TOPAZ1: variants seen among roughly 807,000 people sequenced by gnomAD.
The protein encoded by TOPAZ1 is protein TOPAZ1.
Under a neutral mutation model 172.2 loss-of-function variants are expected in TOPAZ1, and 66 were observed. The ratio of observed to expected loss-of-function variants is 0.38; its 90% CI spans 0.31 to 0.47. TOPAZ1 has a LOEUF of 0.47. TOPAZ1 is among the 20% of genes least tolerant of loss of function. TOPAZ1 has a pLI of 0.99. For missense variants in TOPAZ1, 1,822 were observed against 1,972.4 expected (o/e 0.92, Z 1.44); for synonymous variants, 681 against 683.9 (o/e 1.00, Z 0.07).
intron 14 of TOPAZ1, among the ~76,000 whole-genome samples, chr3:44,306,073 T>C (rs1700333440): frequency 6.6e-6 from 1 of 152,234 alleles, no homozygotes; most frequent in African/African-American, 2.4e-5. Context: ...AAACTTTCTG[T>C]AAAAAGCCGG....
intron 11 of TOPAZ1, among the ~76,000 whole-genome samples, chr3:44,288,233 A>G (rs1044645044): frequency 1.8e-4 from 27 of 152,210 alleles, no homozygotes; most frequent in Admixed American, 3.9e-4. Context: ...ATACTACTCA[A>G]TCGTCTACTT....
chr3:44,335,026 C>T (rs1388714879), downstream of TOPAZ1, among the ~76,000 whole-genome samples: 13 of 152,030 alleles, frequency 8.6e-5, no homozygotes, highest in Admixed American at 2.0e-4. Flanking sequence ...ATTCCCACAA[C>T]TCCAACAATA....
chr3:44,255,899 G>A (rs1242720734), intron 3 of TOPAZ1, among the ~76,000 whole-genome samples: 1 of 150,780 alleles, frequency 6.6e-6, no homozygotes, highest in African/African-American at 2.4e-5. Context: ...TTTAAAATAA[G>A]TGCATTTAAA....
rs1395054511 is a variant in TOPAZ1 at position 44,242,940 on chromosome 3, C to T, written c.434C>T (p.Ser145Leu). The T allele has an allele frequency of 5.8e-6, 9 of 1,550,202 alleles. No individual in the cohort carries two copies. Among genetic ancestry groups the T allele is most frequent in the Middle Eastern group, 1.7e-4 (1 of 6,012 alleles). ...GTAAGAAAGGAATCATTAACCAGTT[C>T]GGAATCTTTCCAAACAGTGGAATGC... ...DLVRKESLTS[S>L]ESFQTVECLQ... The change falls in exon 2 of 20, where the codon TCG becomes TTG. Residue 145 changes from serine to leucine, a missense_variant. By Grantham distance (145) the Ser-to-Leu change is moderately radical. Transcript: ENST00000309765.
chr3:44,266,320 A>C (rs1179998986), intron 5 of TOPAZ1, among the ~76,000 whole-genome samples: 3 of 152,156 alleles, frequency 2.0e-5, no homozygotes, highest in Non-Finnish European at 4.4e-5. Flanking sequence ...TCGTATGTTC[A>C]CTGGAGTAAC....
At chr3:44,293,400 T>C (rs770353447) in intron 12 of TOPAZ1, among the ~76,000 whole-genome samples, 4 of 152,210 alleles carry the variant, frequency 2.6e-5, no homozygotes, top group African/African-American at 7.2e-5. Context: ...TCCATACTTG[T>C]GATTGACCCA....
At chr3:44,284,065 T>C (rs1229078170) in intron 9 of TOPAZ1, among the ~76,000 whole-genome samples, 2 of 152,174 alleles carry the variant, frequency 1.3e-5, no homozygotes, top group Non-Finnish European at 2.9e-5. Flanking sequence ...CCTCCTTTAA[T>C]CTAGAACATT....
chr3:44,242,895 C>T lies in TOPAZ1; in HGVS notation c.389C>T (p.Pro130Leu). 1.3e-6 allele frequency: 2 copies of T among 1,527,340 alleles called. No homozygotes were observed. Among genetic ancestry groups the T allele is most frequent in the Non-Finnish European group, 1.8e-6 (2 of 1,140,988 alleles). 94.6% of individuals were successfully genotyped at this position (1,527,340 alleles called of 1,614,324 possible). The change falls in exon 2 of 20, where the codon CCA becomes CTA. Residue 130 changes from proline (P) to leucine (L), a missense_variant. Pro to Leu is a moderately conservative substitution (Grantham distance 98). Around this residue, in one of 2 missense-constraint regions of TOPAZ1, gnomAD observed 1,489 missense variants for 1,490.8 expected, o/e 1.00. Coordinates refer to ENST00000309765, the MANE Select transcript of TOPAZ1 (RefSeq NM_001145030.2). Reference sequence around the variant, plus strand: ...GTTACTGAAGCCTCAAGTGATGATCCACAGCCAGGGCTTGACTTGGTAAGA... The same window carrying T: ...GTTACTGAAGCCTCAAGTGATGATCTACAGCCAGGGCTTGACTTGGTAAGA... ...RKVTEASSDD[P>L]QPGLDLVRKE...
Position 44,306,323 on chromosome 3 carries a change from C to T in TOPAZ1, c.4040-3C>T. ...TTCTTTTGTATGCCTATTTGTGTTT[C>T]AGTTAGCAAAGATCCACAAAACAGT... On this transcript the variant is annotated splice_region_variant and splice_polypyrimidine_tract_variant and intron_variant, in intron 14 of 19. Transcript: ENST00000309765. 1 of 1,536,114 alleles carries T rather than the reference C, an allele frequency of 6.5e-7. No individual in the cohort carries two copies. Among genetic ancestry groups the T allele is most frequent in the African/African-American group, 1.4e-5 (1 of 72,902 alleles).
intron 6 of TOPAZ1, 80 bp downstream of exon 6, chr3:44,267,216 A>G: frequency 8.1e-7 from 1 of 1,238,978 alleles, no homozygotes; most frequent in South Asian, 2.1e-5. Flanking sequence ...AAAAACAAAA[A>G]ACGATTAAAA....
chr3:44,312,346 A>G (rs553689999), intron 16 of TOPAZ1, among the ~76,000 whole-genome samples: 9 of 152,332 alleles, frequency 5.9e-5, no homozygotes, highest in Non-Finnish European at 8.8e-5. Flanking sequence ...TATGTGTAGA[A>G]GAATGCACAA....
At chr3:44,332,604 T>C (rs973233243), downstream of TOPAZ1, among the ~76,000 whole-genome samples, 1 of 152,142 alleles carries the variant, frequency 6.6e-6, no homozygotes, top group Non-Finnish European at 1.5e-5. Context: ...AAAACTTAAT[T>C]ATCTAAACAA....
At chr3:44,259,484 G>T (rs916492120) in intron 4 of TOPAZ1, among the ~76,000 whole-genome samples, 1 of 152,196 alleles carries the variant, frequency 6.6e-6, no homozygotes, top group Admixed American at 6.5e-5. Flanking sequence ...TGTTTTTATA[G>T]TTGTATAATT....
In TOPAZ1 at chr3:44,300,852, G is replaced by GA. The variant is rs35033579; in HGVS notation, c.3798-3148dup. Among the ~76,000 whole-genome samples, 668 of 137,280 alleles carry GA rather than the reference G, an allele frequency of 4.9e-3. 3 individuals are homozygous for GA. Among genetic ancestry groups the GA allele is most frequent in the East Asian group, 8.0e-3 (33 of 4,148 alleles). 90.1% of individuals were successfully genotyped at this position (137,280 alleles called of 152,430 possible). A position where few individuals can be genotyped will look rare whatever the true frequency, so the allele number is the denominator to read the frequency against. Reference sequence around the variant, plus strand: ...CTTTAATTGTAATAACCAGAAACTGGAAAAAAAAAAAAAAACTCAGATACC... The same window carrying GA: ...CTTTAATTGTAATAACCAGAAACTGGAAAAAAAAAAAAAAAACTCAGATACC... On this transcript the variant is annotated intron_variant, in intron 12 of 19. Transcript: ENST00000309765.
At chr3:44,317,872 G>A (rs1484409804) in intron 16 of TOPAZ1, among the ~76,000 whole-genome samples, 3 of 152,212 alleles carry the variant, frequency 2.0e-5, no homozygotes, top group East Asian at 3.8e-4. Context: ...TGGTAGAATT[G>A]TGAACTAGCT....
chr3:44,322,404 A>G (rs1700548319), intron 17 of TOPAZ1, among the ~76,000 whole-genome samples: 1 of 152,202 alleles, frequency 6.6e-6, no homozygotes, highest in Non-Finnish European at 1.5e-5. Flanking sequence ...CAGAATTGAG[A>G]AATTATTCAA....
At chr3:44,329,748 C>T (rs1027134613) in intron 19 of TOPAZ1, among the ~76,000 whole-genome samples, 1 of 152,200 alleles carries the variant, frequency 6.6e-6, no homozygotes, top group Non-Finnish European at 1.5e-5. Flanking sequence ...TGGATACCTA[C>T]ATATGCCATG....
intron 12 of TOPAZ1, among the ~76,000 whole-genome samples, chr3:44,300,045 A>C (rs1575727505): frequency 1.3e-5 from 2 of 151,250 alleles, no homozygotes; most frequent in Non-Finnish European, 3.0e-5. Flanking sequence ...TGGCACATGT[A>C]TACATATGTA....
At chr3:44,318,813 A>T (rs890411312) in intron 16 of TOPAZ1, among the ~76,000 whole-genome samples, 1 of 147,734 alleles carries the variant, frequency 6.8e-6, no homozygotes, top group African/African-American at 2.4e-5. Context: ...TTTTATTTAT[A>T]TATAATATAT....
Sources: allele counts gnomAD v4.1 joint callset (sites outside exome capture counted in the v4.1 genomes callset), GRCh38; gene constraint gnomAD v4.1.1; regional missense constraint gnomAD v4.1.1; transcripts MANE v1.5; gene names NCBI Gene and HGNC (gene_info 2026-07-23, HGNC 2026-07-21).